Variants in SMG5 observed in about 807,000 individuals in gnomAD.
The protein encoded by SMG5 is SMG5 nonsense mediated mRNA decay factor, also known as nonsense-mediated mRNA decay factor SMG5.
A neutral mutation model predicts 122.9 loss-of-function variants in SMG5; 53 were observed. The observed-to-expected ratio is 0.43, with a 90% CI of 0.35 to 0.54. The LOEUF (loss-of-function observed/expected upper bound fraction) is 0.54. SMG5 is among the 20% of genes least tolerant of loss of function. The probability of loss-of-function intolerance (pLI) is 0.01; values close to 1 mark genes in which losing one functional copy is unlikely to be tolerated. For missense variants in SMG5, 1,153 were observed against 1,285.6 expected, an observed-to-expected ratio of 0.90 and a Z score of 1.58; for synonymous variants, 477 against 490.2, an observed-to-expected ratio of 0.97 and a Z score of 0.35.
chr1:156,272,497 C>T (rs1662481653), intron 6 of SMG5, 99 bp from the exon 7 acceptor site: 1 of 947,680 alleles, frequency 1.1e-6, no homozygotes, highest in African/African-American at 1.6e-5. Flanking sequence ...GTAGGGAGAA[C>T]AGCTGGGTCT....
At chr1:156,253,137 G>GA (rs1365665715) in intron 17 of SMG5, 59 bp from the exon 18 acceptor site, 1 of 1,499,130 alleles carries the variant, frequency 6.7e-7, no homozygotes, top group African/African-American at 1.4e-5. Flanking sequence ...CGGGCCGGGG[G>GA]AAGAGTGGTG....
chr1:156,251,503 G>A (rs370868280), intron 19 of SMG5, 26 bp from the exon 20 acceptor site: 2 of 1,612,568 alleles, frequency 1.2e-6, no homozygotes, highest in Admixed American at 3.3e-5. Flanking sequence ...GCGAGTGGAG[G>A]TCAGGAGCAG....
chr1:156,273,191 T>A (rs1421332720), intron 6 of SMG5, among the ~76,000 whole-genome samples, 170 bp downstream of exon 6: 1 of 152,142 alleles, frequency 6.6e-6, no homozygotes, highest in African/African-American at 2.4e-5. Context: ...CTTCCACCAT[T>A]TTCTGAGTGT....
At position 156,278,971 on chromosome 1, in the gene SMG5, T is replaced by C; in HGVS notation, c.138A>G (p.Glu46=). ...GGCTAATGTTTTCTGGTTTGAATAC[T>C]TCTTGATAAGCAGTTTTGTTGCAAA... ...LILCNKTAYQ[E]VFKPENISLR... Residue 46 remains glutamate (E), a synonymous_variant, in exon 2 of 22, where the codon GAA becomes GAG. Transcript: ENST00000361813. 1 of 1,614,224 alleles carries C rather than the reference T, an allele frequency of 6.2e-7. No homozygotes were observed. Among genetic ancestry groups the C allele is most frequent in the Non-Finnish European group, 8.5e-7 (1 of 1,180,032 alleles).
chr1:156,284,084 C>T (rs1354387808), upstream of SMG5, among the ~76,000 whole-genome samples: 1 of 152,256 alleles, frequency 6.6e-6, no homozygotes, highest in East Asian at 1.9e-4. Flanking sequence ...CACAAATCCA[C>T]TTTTCTCCCT....
chr1:156,278,849 G>A, intron 2 of SMG5, 87 bp downstream of exon 2: 2 of 1,095,762 alleles, frequency 1.8e-6, no homozygotes, highest in Non-Finnish European at 2.8e-6. Context: ...AGGTAAAACA[G>A]AGTGCGTGTT....
At chr1:156,270,218 A>T (rs1030643813) in intron 7 of SMG5, among the ~76,000 whole-genome samples, 1 of 152,252 alleles carries the variant, frequency 6.6e-6, no homozygotes, top group East Asian at 1.9e-4. Flanking sequence ...AATGTGGTCT[A>T]TATCTCCTCC....
Position 156,250,433 on chromosome 1 carries a change from G to T in SMG5, c.*154C>A. The stretch of plus-strand genomic sequence containing the variant: ...GACCCCACCCTCCCAGCCGGCTCCT[G>T]GGCCCTCCCTGCAGCCTCTGAGCAG... On this transcript the variant is annotated 3_prime_UTR_variant, in exon 22 of 22. Transcript: ENST00000361813. 1.4e-6 allele frequency: 1 copy of T among 707,734 alleles called. No individual in the cohort carries two copies. Among genetic ancestry groups the T allele is most frequent in the Non-Finnish European group, 2.5e-6 (1 of 402,858 alleles). 43.8% of individuals were successfully genotyped at this position (707,734 alleles called of 1,614,324 possible).
chr1:156,266,458 T>C (rs1662148884), intron 11 of SMG5, 78 bp from the exon 12 acceptor site: 4 of 1,604,926 alleles, frequency 2.5e-6, no homozygotes, highest in Non-Finnish European at 3.4e-6. Flanking sequence ...CCAACACCAC[T>C]TCCCCCGAGT....
chr1:156,263,356 C>G lies in SMG5; in HGVS notation c.2031+39G>C, dbSNP rs752554515. The G allele has an allele frequency of 5.1e-6, 8 of 1,581,416 alleles. No individual in the cohort carries two copies. In the Admixed American group the frequency reaches 8.6e-5, roughly 17 times the overall value. ...CCTGGCTCATCCCCTCCTCCAAGAC[C>G]CTGGGACCTGACAGGGGCAATGGAG... On this transcript the variant is annotated intron_variant, in intron 13 of 21. Transcript: ENST00000361813.
intron 16 of SMG5, 103 bp downstream of exon 16, chr1:156,258,902 T>C (rs1227346100): frequency 7.1e-7 from 1 of 1,414,388 alleles, no homozygotes; most frequent in African/African-American, 1.4e-5. Flanking sequence ...CATCTTACTA[T>C]GTCCTTCAGG....
chr1:156,278,090 T>C (rs1662764524), intron 2 of SMG5, 42 bp from the exon 3 acceptor site: 2 of 1,609,518 alleles, frequency 1.2e-6, no homozygotes, highest in Middle Eastern at 1.7e-4. Context: ...GCCCATCCCT[T>C]GGAGCAGGGA....
chr1:156,270,189 G>A (rs1662344455), intron 7 of SMG5, among the ~76,000 whole-genome samples: 1 of 152,234 alleles, frequency 6.6e-6, no homozygotes, highest in Non-Finnish European at 1.5e-5. Context: ...CAAATTATCT[G>A]ACACTCCTTC....
chr1:156,280,731 C>T (rs1162883408), intron 1 of SMG5, among the ~76,000 whole-genome samples: 1 of 152,172 alleles, frequency 6.6e-6, no homozygotes, highest in African/African-American at 2.4e-5. Context: ...ATTGAAAACG[C>T]TTAAATATGA....
At position 156,252,353 on chromosome 1, in the gene SMG5, G is replaced by A; in HGVS notation, c.2753+61C>T. Reference sequence around the variant, plus strand: ...CATAGGGAGCAAGGGGCTTTCATAAGCATGTGTTATCCAAAAGACAGACCC... The same window carrying A: ...CATAGGGAGCAAGGGGCTTTCATAAACATGTGTTATCCAAAAGACAGACCC... On this transcript the variant is annotated intron_variant, in intron 19 of 21. Coordinates refer to ENST00000361813, the MANE Select transcript of SMG5 (RefSeq NM_015327.3). 2.0e-6 allele frequency: 3 copies of A among 1,512,802 alleles called. No individual in the cohort carries two copies. In the South Asian group the frequency reaches 3.4e-5, roughly 17 times the overall value. 93.7% of individuals were successfully genotyped at this position (1,512,802 alleles called of 1,614,324 possible). A position where few individuals can be genotyped will look rare whatever the true frequency, so the allele number is the denominator to read the frequency against.
chr1:156,282,838 G>A (rs145437142), upstream of SMG5: 4,941 of 719,452 alleles, frequency 6.9e-3, 26 homozygotes, highest in Middle Eastern at 0.022. Context: ...CTCCTCCTCC[G>A]CCTGCCAAAT....
chr1:156,286,152 C>A (rs1415777580), upstream of SMG5: 11 of 1,365,300 alleles, frequency 8.1e-6, no homozygotes, highest in Non-Finnish European at 1.1e-5. Context: ...CTCCACCCCA[C>A]TGTGTAGAGC....
Position 156,266,027 on chromosome 1 carries a change from G to A in SMG5, c.1609C>T (p.Pro537Ser), listed in dbSNP as rs760228444. ...CTGCCCCGAGGGGGCTCCAGGGTTG[G>A]TGACCGTGTCCCCTCCTCTTCCTCC... ...DMEEEEGTRS[P>S]TLEPPRGRSE... The change falls in exon 12 of 22, where the codon CCA becomes TCA. Residue 537 changes from proline to serine, a missense_variant. Pro to Ser is a moderately conservative substitution (Grantham distance 74, BLOSUM62 -1). Coordinates refer to ENST00000361813, the MANE Select transcript of SMG5 (RefSeq NM_015327.3). 58 of 1,614,122 alleles carry A rather than the reference G, an allele frequency of 3.6e-5. No individual in the cohort carries two copies. Among genetic ancestry groups the A allele is most frequent in the Admixed American group, 8.3e-5 (5 of 60,010 alleles).
At chr1:156,277,002 G>A (rs1288675274) in intron 4 of SMG5, 83 bp downstream of exon 4, 7 of 1,431,120 alleles carry the variant, frequency 4.9e-6, no homozygotes, top group Non-Finnish European at 5.7e-6. Flanking sequence ...TGGCTGGGTC[G>A]CAAGCTACAT....
Sources: gnomAD v4.1 joint callset for allele counts (sites outside exome capture counted in the v4.1 genomes callset) on GRCh38, gnomAD v4.1.1 for gene constraint, MANE v1.5 for transcripts, NCBI Gene and HGNC (gene_info 2026-07-23, HGNC 2026-07-21) for gene names.